ADIPOQ: variants seen among roughly 807,000 people sequenced by gnomAD.
The protein encoded by ADIPOQ is adiponectin, C1Q and collagen domain containing.
Under a neutral mutation model 16.1 loss-of-function variants are expected in ADIPOQ, and 19 were observed. The observed-to-expected ratio is 1.18, with a 90% CI of 0.82 to 1.73. ADIPOQ has a LOEUF of 1.73. Ranked by LOEUF, ADIPOQ falls within the 40% of genes most tolerant of loss-of-function variation. ADIPOQ has a pLI of 0.00. For missense variants in ADIPOQ, 323 were observed against 308.3 expected (o/e 1.05, Z -0.36); for synonymous variants, 124 against 125.5 (o/e 0.99, Z 0.08).
At chr3:186,848,217 G>A (rs1186883388) in intron 1 of ADIPOQ, among the ~76,000 whole-genome samples, 1 of 126,222 alleles carries the variant, frequency 7.9e-6, no homozygotes, top group African/African-American at 3.0e-5. Flanking sequence ...AAGGAAGGAA[G>A]GAAGGAAGGA....
rs562131271 is a variant in ADIPOQ, at chr3:186,844,422, G to A, written c.-9+1673G>A. Among the ~76,000 whole-genome samples, 6 of 151,312 alleles carry A rather than the reference G, an allele frequency of 4.0e-5. No homozygotes were observed. The East Asian group carries it at 1.2e-3, about 29-fold the overall frequency. Reference sequence around the variant, plus strand: ...GGCCTCCCAAAGTGCTGGTATTACAGGTGTGAGCCACTGCGCCTGGCCGAG... The same window carrying A: ...GGCCTCCCAAAGTGCTGGTATTACAAGTGTGAGCCACTGCGCCTGGCCGAG... On this transcript the variant is annotated intron_variant, in intron 1 of 2. Coordinates refer to ENST00000320741, the MANE Select transcript of ADIPOQ (RefSeq NM_004797.4).
intron 1 of ADIPOQ, among the ~76,000 whole-genome samples, chr3:186,849,912 A>AC (rs375766298): frequency 0.19 from 28,191 of 146,538 alleles, 2,608 homozygotes; most frequent in African/African-American, 0.21. Context: ...ATCAAACAAT[A>AC]GAAAAAAACA....
rs1361513663 is a variant in ADIPOQ, at chr3:186,854,134, T to G, written c.215-50T>G. The G allele has an allele frequency of 2.5e-6, 4 of 1,590,164 alleles. No homozygotes were observed. In the East Asian group the frequency reaches 9.0e-5, roughly 36 times the overall value. On this transcript the variant is annotated intron_variant, in intron 2 of 2. Coordinates refer to ENST00000320741, the MANE Select transcript of ADIPOQ (RefSeq NM_004797.4). ...ATGGTAATTTAGGCTGTAACCAACC[T>G]AGGCAGGAGTTCTGTTCTTTGTAGT... is the stretch of plus-strand genomic sequence containing the variant.
intron 1 of ADIPOQ, among the ~76,000 whole-genome samples, chr3:186,848,244 AGG>A (rs1382269131): frequency 6.5e-5 from 9 of 138,484 alleles, no homozygotes; most frequent in East Asian, 2.0e-4. Context: ...GAAGGAAGGA[AGG>A]AAAGAAGGAA....
rs6444172 is a variant in ADIPOQ at position 186,855,282 on chromosome 3, C to A, written c.*578C>A. The A allele has an allele frequency of 0.99, 163,627 of 165,286 alleles. 81,021 individuals carry two copies. The highest frequency in any genetic ancestry group is 1 in the Middle Eastern group (320 of 320). 10.2% of individuals were successfully genotyped at this position (165,286 alleles called of 1,614,324 possible). A position where few individuals can be genotyped will look rare whatever the true frequency, so the allele number is the denominator to read the frequency against. ...CTCAGAGAAAGTGGTTCTATGATGA[C>A]GTCCTGTCTTGGAAGGACTACTACT... On this transcript the variant is annotated 3_prime_UTR_variant, in exon 3 of 3. Transcript: ENST00000320741.
chr3:186,843,273 T>A (rs994267360), intron 1 of ADIPOQ, among the ~76,000 whole-genome samples: 5 of 152,114 alleles, frequency 3.3e-5, no homozygotes, highest in Non-Finnish European at 7.4e-5. Flanking sequence ...AGACAGTGGA[T>A]TGGGTTCACA....
At chr3:186,849,093 A>AG (rs1711664983) in intron 1 of ADIPOQ, among the ~76,000 whole-genome samples, 1 of 152,180 alleles carries the variant, frequency 6.6e-6, no homozygotes, top group South Asian at 2.1e-4. Flanking sequence ...TTTTTGACAA[A>AG]GGGGGAGGAG....
intron 1 of ADIPOQ, among the ~76,000 whole-genome samples, chr3:186,844,511 CAAAAAA>C (rs33955672): frequency 1.6e-5 from 2 of 122,460 alleles, no homozygotes; most frequent in Non-Finnish European, 1.7e-5. Context: ...AACTCCATCT[CAAAAAA>C]AAAAAAAAAA....
Position 186,855,255 on chromosome 3 carries a change from T to C in ADIPOQ, c.*551T>C, listed in dbSNP as rs1711953825. The C allele has an allele frequency of 5.9e-6, 1 of 168,370 alleles. No individual in the cohort carries two copies. The highest frequency in any genetic ancestry group is 1.3e-5 in the Non-Finnish European group (1 of 77,726). 10.4% of individuals were successfully genotyped at this position (168,370 alleles called of 1,614,324 possible). ...ATTAAAACCTCCCCCAAGCAGAGCT[T>C]CCTCAGAGAAAGTGGTTCTATGATG... On this transcript the variant is annotated 3_prime_UTR_variant, in exon 3 of 3. Coordinates refer to ENST00000320741, the MANE Select transcript of ADIPOQ (RefSeq NM_004797.4).
At chr3:186,845,955 C>A (rs915176285) in intron 1 of ADIPOQ, among the ~76,000 whole-genome samples, 2 of 152,074 alleles carry the variant, frequency 1.3e-5, no homozygotes, top group African/African-American at 4.8e-5. Flanking sequence ...TCGGAGGCAC[C>A]GTGATGTGAT....
At chr3:186,845,056 G>C (rs1711545420) in intron 1 of ADIPOQ, among the ~76,000 whole-genome samples, 1 of 152,012 alleles carries the variant, frequency 6.6e-6, no homozygotes, top group South Asian at 2.1e-4. Flanking sequence ...ATGTATGTGT[G>C]TGAGTGTGTG....
intron 2 of ADIPOQ, chr3:186,853,939 T>G: frequency 2.4e-6 from 1 of 414,560 alleles, no homozygotes; most frequent in Non-Finnish European, 4.3e-6. Flanking sequence ...GCTGGCAGGG[T>G]GGAGGGTCTA....
chr3:186,851,685 G>A (rs1486799805), intron 1 of ADIPOQ, among the ~76,000 whole-genome samples: 1 of 151,252 alleles, frequency 6.6e-6, no homozygotes, highest in Non-Finnish European at 1.5e-5. Flanking sequence ...GCTCTCTCAT[G>A]ATTTCTTTTC....
rs757590417 is a variant in ADIPOQ at position 186,854,649 on chromosome 3, A to G, written c.680A>G (p.Asp227Gly). ...GEGERNGLYA[D>G]NDNDSTFTGF... ...GGAGAGCGTAATGGACTCTATGCTG[A>G]TAATGACAATGACTCCACCTTCACA... Residue 227 changes from aspartate (D) to glycine (G), a missense_variant, in exon 3 of 3, where the codon GAT (aspartate) becomes GGT (glycine). By Grantham distance (94) the Asp-to-Gly change is moderately conservative. Coordinates refer to ENST00000320741, the MANE Select transcript of ADIPOQ (RefSeq NM_004797.4). The G allele has an allele frequency of 6.2e-7, 1 of 1,614,196 alleles. No individual in the cohort carries two copies. The highest frequency in any genetic ancestry group is 8.5e-7 in the Non-Finnish European group (1 of 1,180,026).
rs151314650 is a variant in ADIPOQ at position 186,853,797 on chromosome 3, G to A, written c.215-387G>A. On this transcript the variant is annotated intron_variant, in intron 2 of 2. Coordinates refer to ENST00000320741, the MANE Select transcript of ADIPOQ (RefSeq NM_004797.4). ...ACTCACCGTGGACCTGATGAAGAAT[G>A]AAGGCTTCAAGGAGGAGGCAGAGCT... 2.7e-3 allele frequency: 632 copies of A among 234,236 alleles called. 3 individuals are homozygous for A. The highest frequency in any genetic ancestry group is 4.3e-3 in the Non-Finnish European group (518 of 119,792). 14.5% of individuals were successfully genotyped at this position (234,236 alleles called of 1,614,324 possible).
chr3:186,858,200 G>C lies in ADIPOQ; in HGVS notation c.*3496G>C. On this transcript the variant is annotated 3_prime_UTR_variant, in exon 3 of 3. Transcript: ENST00000320741. ...TTCGTCAGGTTGGTTTCAAACTCCT[G>C]ACTTTGTGATCCACCCGCCTCGGCC... 6.6e-6 allele frequency: 1 copy of C among 152,122 alleles called. No homozygotes were observed. The highest frequency in any genetic ancestry group is 1.5e-5 in the Non-Finnish European group (1 of 68,026). The allele number at this position is 152,122 out of a possible 1,614,324, so 9.4% of individuals were successfully genotyped here.
In ADIPOQ at chr3:186,847,946, C is replaced by T. The variant is rs979848576; in HGVS notation, c.-8-5105C>T. On this transcript the variant is annotated intron_variant, in intron 1 of 2. Transcript: ENST00000320741. The stretch of plus-strand genomic sequence containing the variant: ...CAGCACTTTGGGAGGCCGAGGCGGG[C>T]GGATCACTTGAGGTCAGGAGTTTGA... 9.9e-5 allele frequency among the ~76,000 whole-genome samples: 15 copies of T among 152,044 alleles called. 1 individual carries two copies. In the East Asian group the frequency reaches 1.5e-3, roughly 16 times the overall value.
chr3:186,850,160 C>G (rs1711699780), intron 1 of ADIPOQ, among the ~76,000 whole-genome samples: 1 of 150,596 alleles, frequency 6.6e-6, no homozygotes, highest in South Asian at 2.1e-4. Flanking sequence ...ATCTCAGCTA[C>G]TTGGGAGGCT....
In ADIPOQ at chr3:186,854,881, G is replaced by A; in HGVS notation, c.*177G>A. ...TAACTTTAAAAAAATCATATGCTAT[G>A]TTCCCAGTCCTGGGGAGCTTCACAA... On this transcript the variant is annotated 3_prime_UTR_variant, in exon 3 of 3. Transcript: ENST00000320741. 1 of 928,948 alleles carries A rather than the reference G, an allele frequency of 1.1e-6. No homozygotes were observed. Among genetic ancestry groups the A allele is most frequent in the Non-Finnish European group, 1.6e-6 (1 of 619,964 alleles). The allele number at this position is 928,948 out of a possible 1,614,324, so 57.5% of individuals were successfully genotyped here.
Sources: allele counts gnomAD v4.1 joint callset (sites outside exome capture counted in the v4.1 genomes callset), GRCh38; gene constraint gnomAD v4.1.1; transcripts MANE v1.5; gene names NCBI Gene and HGNC (gene_info 2026-07-23, HGNC 2026-07-21).